The following SLC12A9 variants were observed in gnomAD, a reference collection of about 807,000 sequenced individuals.
SLC12A9 encodes solute carrier family 12 member 9.
In SLC12A9, 55 loss-of-function variants were observed where a neutral mutation model predicts 66.0. The observed-to-expected ratio is 0.83, with a 90% CI of 0.67 to 1.04. SLC12A9 has a LOEUF of 1.04. Ranked by LOEUF, SLC12A9 falls within the 50% of genes least tolerant of loss-of-function variation. The pLI, the probability that SLC12A9 is intolerant of heterozygous loss-of-function variation, is 0.00. For synonymous variants in SLC12A9, 577 were observed against 569.0 expected (o/e 1.01, Z -0.20); for missense variants, 1,061 against 1,241.9 (o/e 0.85, Z 2.19).
In SLC12A9 at chr7:100,858,940, C is replaced by T; in HGVS notation, c.863C>T (p.Ser288Leu). ...GGCATCATGGCTGGGGCCAACATGT[C>T]AGGTGAGAGTCCCTGCCTGCTGCCT... ...CTGIMAGANMSGELKDPSRAI... is the reference protein window; with the variant it reads ...CTGIMAGANMLGELKDPSRAI... The change falls in exon 6 of 14, where the codon TCA (serine) becomes TTA (leucine). Residue 288 changes from serine to leucine, a missense_variant and splice_region_variant. Transcript: ENST00000354161. 6.2e-7 allele frequency: 1 copy of T among 1,614,072 alleles called. No homozygotes were observed.
rs1392740906 is a variant in SLC12A9, at chr7:100,861,339, C to T, written c.1344-53C>T. 3 of 1,611,524 alleles carry T rather than the reference C, an allele frequency of 1.9e-6. No individual in the cohort carries two copies. Among genetic ancestry groups the T allele is most frequent in the Non-Finnish European group, 2.5e-6 (3 of 1,178,174 alleles). ...CAGGCGTGGGGCTGGGGACTGCAGC[C>T]TCGTGTGCGGCCTGCCCTGAGTTTC... On this transcript the variant is annotated intron_variant, in intron 10 of 13. Transcript: ENST00000354161. The surrounding 1 kb of genome is among the most constrained non-coding windows in gnomAD (Gnocchi z 5.3).
chr7:100,859,637 A>C, intron 7 of SLC12A9: 1 of 487,080 alleles, frequency 2.1e-6, no homozygotes, highest in Admixed American at 3.7e-5. Context: ...CTTGAGTCCA[A>C]GAGGTCGAGG....
chr7:100,840,671 C>CAG (rs923891630), intron 1 of SLC12A9, among the ~76,000 whole-genome samples: 2 of 149,258 alleles, frequency 1.3e-5, no homozygotes, highest in African/African-American at 5.0e-5. Flanking sequence ...GAAAGAAATG[C>CAG]AGAGAGAGAG....
intron 1 of SLC12A9, among the ~76,000 whole-genome samples, chr7:100,839,250 A>G (rs370255963): frequency 2.0e-4 from 31 of 152,100 alleles, no homozygotes; most frequent in African/African-American, 7.0e-4. Context: ...GCGTGAACCC[A>G]GGAGGCAGAG....
rs748461869 is a variant in SLC12A9 at position 100,866,369 on chromosome 7, G to A, written c.2509G>A (p.Ala837Thr). The A allele has an allele frequency of 9.4e-5, 142 of 1,516,718 alleles. No individual in the cohort carries two copies. The highest frequency in any genetic ancestry group is 2.7e-4 in the East Asian group (11 of 40,584). 94.0% of individuals were successfully genotyped at this position (1,516,718 alleles called of 1,614,324 possible). A position where few individuals can be genotyped will look rare whatever the true frequency, so the allele number is the denominator to read the frequency against. The change falls in exon 14 of 14, where the codon GCC becomes ACC. Residue 837 changes from alanine to threonine, a missense_variant. Physicochemically the swap from Ala to Thr is moderately conservative, Grantham distance 58. Coordinates refer to ENST00000354161, the MANE Select transcript of SLC12A9 (RefSeq NM_020246.4). This position sits in a 1 kb window ranked among gnomAD's most constrained non-coding sequence, Gnocchi z 7.3. ...DAEAEALARSANALVRAQQGR... is the reference protein window; with the variant it reads ...DAEAEALARSTNALVRAQQGR... Reference sequence around the variant, plus strand: ...AGAGGCAGAGGCCCTGGCACGCAGCGCCAACGCCCTGGTTCGGGCCCAGCA... The same window carrying A: ...AGAGGCAGAGGCCCTGGCACGCAGCACCAACGCCCTGGTTCGGGCCCAGCA...
chr7:100,857,511 A>T, intron 5 of SLC12A9: 1 of 268,454 alleles, frequency 3.7e-6, no homozygotes. Context: ...AGGCCTGACT[A>T]TGGGCTGGGG....
chr7:100,855,412 G>A (rs1814327221), intron 3 of SLC12A9: 1 of 347,264 alleles, frequency 2.9e-6, no homozygotes, highest in Non-Finnish European at 5.4e-6. Context: ...GTCAGCCACT[G>A]TGCCTGGCCT....
At position 100,854,210 on chromosome 7, in the gene SLC12A9, A is replaced by C. The variant is rs1324431176; in HGVS notation, c.13A>C (p.Ser5Arg). 1 of 1,567,236 alleles carries C rather than the reference A, an allele frequency of 6.4e-7. No homozygotes were observed. The highest frequency in any genetic ancestry group is 8.6e-7 in the Non-Finnish European group (1 of 1,167,254). Residue 5 changes from serine to arginine, a missense_variant, in exon 2 of 14, where the codon AGC (serine) becomes CGC (arginine). Physicochemically the swap from Ser to Arg is moderately radical, Grantham distance 110. Coordinates refer to ENST00000354161, the MANE Select transcript of SLC12A9 (RefSeq NM_020246.4). MASE[S>R]SPLLAYRLLG... is the part of the protein sequence containing the mutation. ...CCTGTGCTCAGCCATGGCCAGCGAGAGCTCACCTCTGCTGGCCTACCGGCT... is the reference window on the plus strand; with the variant it reads ...CCTGTGCTCAGCCATGGCCAGCGAGCGCTCACCTCTGCTGGCCTACCGGCT...
intron 1 of SLC12A9, among the ~76,000 whole-genome samples, chr7:100,833,894 C>G (rs1161774605): frequency 7.4e-6 from 1 of 134,792 alleles, no homozygotes; most frequent in Non-Finnish European, 1.5e-5. Context: ...GATCACGCCA[C>G]TGCACTCCAG....
intron 1 of SLC12A9, among the ~76,000 whole-genome samples, chr7:100,829,504 C>T (rs1813500551): frequency 6.6e-6 from 1 of 151,788 alleles, no homozygotes; most frequent in South Asian, 2.1e-4. Flanking sequence ...CTGGGTCCTG[C>T]GCCCGGGTTG....
Position 100,866,386 on chromosome 7 carries a change from G to A in SLC12A9, c.2526G>A (p.Arg842=), listed in dbSNP as rs897457446. ...ALARSANALV[R]AQQGRGTGGG... is the part of the protein sequence containing the mutation. The stretch of plus-strand genomic sequence containing the variant: ...CACGCAGCGCCAACGCCCTGGTTCG[G>A]GCCCAGCAGGGGCGCGGCACAGGAG... Residue 842 remains arginine (R), a synonymous_variant, in exon 14 of 14, where the codon CGG becomes CGA. Transcript: ENST00000354161. The surrounding 1 kb of genome is among the most constrained non-coding windows in gnomAD (Gnocchi z 7.3). 11 of 1,529,760 alleles carry A rather than the reference G, an allele frequency of 7.2e-6. No homozygotes were observed. The African/African-American group carries it at 1.5e-4, about 21-fold the overall frequency. 94.8% of individuals were successfully genotyped at this position (1,529,760 alleles called of 1,614,324 possible). A position where few individuals can be genotyped will look rare whatever the true frequency, so the allele number is the denominator to read the frequency against.
intron 1 of SLC12A9, among the ~76,000 whole-genome samples, chr7:100,835,664 C>A (rs1409754638): frequency 2.0e-5 from 3 of 151,524 alleles, no homozygotes; most frequent in South Asian, 2.1e-4. Context: ...AAAAAAACAA[C>A]AAAAAAACAA....
At position 100,839,559 on chromosome 7, in the gene SLC12A9, C is replaced by T. The variant is rs150538452; in HGVS notation, n.228+12512C>T. On this transcript the variant is annotated intron_variant and non_coding_transcript_variant, in intron 1 of 1. Transcript: ENST00000461016. ...CTGCCGTGTGGAACATCCCTGCGGG[C>T]GACTCTAACTAGCCCGGGCGACGCG... 4.9e-3 allele frequency among the ~76,000 whole-genome samples: 747 copies of T among 152,312 alleles called. 3 individuals carry two copies. The highest frequency in any genetic ancestry group is 7.7e-3 in the South Asian group (37 of 4,828).
At chr7:100,826,912 A>G in exon 1 of SLC12A9, 2 of 1,508,778 alleles carry the variant, frequency 1.3e-6, no homozygotes, top group South Asian at 1.2e-5. Context: ...CTCCACTCCG[A>G]GGCCCAGATG....
intron 7 of SLC12A9, chr7:100,859,417 A>G (rs1028330102): frequency 3.9e-6 from 2 of 516,258 alleles, no homozygotes; most frequent in African/African-American, 3.9e-5. Context: ...TCTTGTGCAT[A>G]TACCATTAGG....
At chr7:100,832,518 A>G (rs933333759) in intron 1 of SLC12A9, among the ~76,000 whole-genome samples, 10 of 152,196 alleles carry the variant, frequency 6.6e-5, no homozygotes, top group African/African-American at 4.8e-5. Context: ...ATCTCTAAGC[A>G]AAAATTAATC....
rs568259696 is a variant in SLC12A9, at chr7:100,861,676, C to T, written c.1537-61C>T. On this transcript the variant is annotated intron_variant, in intron 11 of 13. Transcript: ENST00000354161. This position sits in a 1 kb window ranked among gnomAD's most constrained non-coding sequence, Gnocchi z 5.3. ...GGAGTTGGTGCTCCCGTCCAGGAGGCGCTGAACGGGGCTGTGCATTTGATC... is the reference window on the plus strand; with the variant it reads ...GGAGTTGGTGCTCCCGTCCAGGAGGTGCTGAACGGGGCTGTGCATTTGATC... The T allele has an allele frequency of 1.9e-5, 30 of 1,607,558 alleles. No individual in the cohort carries two copies. Among genetic ancestry groups the T allele is most frequent in the Middle Eastern group, 1.7e-4 (1 of 6,038 alleles).
At position 100,846,449 on chromosome 7, in the gene SLC12A9, C is replaced by T. The variant is rs12668594; in HGVS notation, n.229-13436C>T. ...GGGCGTGGTGGCGGGCGCCTGTAGTCCCAGTTACTCGGGAGGCTGAGGCAG... is the reference window on the plus strand; with the variant it reads ...GGGCGTGGTGGCGGGCGCCTGTAGTTCCAGTTACTCGGGAGGCTGAGGCAG... On this transcript the variant is annotated intron_variant and non_coding_transcript_variant, in intron 1 of 1. Coordinates refer to the SLC12A9 transcript ENST00000461016. 0.022 allele frequency among the ~76,000 whole-genome samples: 3,385 copies of T among 152,168 alleles called. 314 individuals are homozygous for T. In the East Asian group the frequency reaches 0.32, roughly 14 times the overall value.
Position 100,857,123 on chromosome 7 carries a change from G to T in SLC12A9, c.704G>T (p.Arg235Leu), listed in dbSNP as rs375275857. The T allele has an allele frequency of 6.8e-6, 11 of 1,614,156 alleles. No homozygotes were observed. The highest frequency in any genetic ancestry group is 9.3e-6 in the Non-Finnish European group (11 of 1,180,022). Residue 235 changes from arginine to leucine, a missense_variant, in exon 5 of 14, where the codon CGG becomes CTG. Transcript: ENST00000354161. ...CCCAATGGCTCCTCCCTGCCGCCCC[G>T]GTTTGGCCACTTCACCGGCTTCAAC... ...PGPNGSSLPPRFGHFTGFNSS... is the reference protein window; with the variant it reads ...PGPNGSSLPPLFGHFTGFNSS...
Sources: allele counts gnomAD v4.1 joint callset (sites outside exome capture counted in the v4.1 genomes callset), GRCh38; gene constraint gnomAD v4.1.1; non-coding constraint Gnocchi (gnomAD v3.1); transcripts MANE v1.5; gene names NCBI Gene and HGNC (gene_info 2026-07-23, HGNC 2026-07-21).